Variants in ZNF101 observed in about 807,000 individuals in gnomAD.
ZNF101 encodes zinc finger protein 101 (Y2).
Under a neutral mutation model 42.6 loss-of-function variants are expected in ZNF101, and 34 were observed. The observed-to-expected ratio is 0.80, with a 90% CI of 0.61 to 1.06. ZNF101 has a LOEUF of 1.06. ZNF101 is among the 50% of genes least tolerant of loss of function. The probability of loss-of-function intolerance (pLI) is 0.00; values close to 1 mark genes in which losing one functional copy is unlikely to be tolerated. For synonymous variants in ZNF101, 158 were observed against 183.9 expected (o/e 0.86, Z 1.14); for missense variants, 466 against 530.9 (o/e 0.88, Z 1.20).
In ZNF101 at chr19:19,681,113, C is replaced by G. The variant is rs1157653632; in HGVS notation, c.*813C>G. 1 of 151,494 alleles carries G rather than the reference C, an allele frequency of 6.6e-6. No individual in the cohort carries two copies. Among genetic ancestry groups the G allele is most frequent in the Non-Finnish European group, 1.5e-5 (1 of 67,898 alleles). The allele number at this position is 151,494 out of a possible 1,614,324, so 9.4% of individuals were successfully genotyped here. A position where few individuals can be genotyped will look rare whatever the true frequency, so the allele number is the denominator to read the frequency against. ...CCTGGATGACGGTGACACTCTGTCTCAGAAAAAAAGGGAAAGAAATAATTC... is the reference window on the plus strand; with the variant it reads ...CCTGGATGACGGTGACACTCTGTCTGAGAAAAAAAGGGAAAGAAATAATTC... On this transcript the variant is annotated 3_prime_UTR_variant, in exon 4 of 4. Transcript: ENST00000592502.
intron 1 of ZNF101, chr19:19,677,651 TG>T: frequency 3.3e-6 from 2 of 601,174 alleles, no homozygotes; most frequent in Non-Finnish European, 5.2e-6. Flanking sequence ...ACAGAGAGGG[TG>T]GTCCTCCTCT....
rs1464523134 is a variant in ZNF101, at chr19:19,681,122, A to C, written c.*822A>C. The C allele has an allele frequency of 6.6e-6, 1 of 152,224 alleles. No homozygotes were observed. Among genetic ancestry groups the C allele is most frequent in the Non-Finnish European group, 1.5e-5 (1 of 68,058 alleles). The allele number at this position is 152,224 out of a possible 1,614,324, so 9.4% of individuals were successfully genotyped here. A position where few individuals can be genotyped will look rare whatever the true frequency, so the allele number is the denominator to read the frequency against. On this transcript the variant is annotated 3_prime_UTR_variant, in exon 4 of 4. Transcript: ENST00000592502. ...CGGTGACACTCTGTCTCAGAAAAAA[A>C]GGGAAAGAAATAATTCTCATTTATA... is the stretch of plus-strand genomic sequence containing the variant.
chr19:19,669,009 T>A lies in ZNF101; in HGVS notation c.3+43T>A, dbSNP rs958130824. ...GGCGTCCGGAGACCTGAGGAGGAGC[T>A]GGTCGGAACCGGCAGTGGCTGGACC... On this transcript the variant is annotated intron_variant, in intron 1 of 3. Coordinates refer to ENST00000592502, the MANE Select transcript of ZNF101 (RefSeq NM_033204.4). 5 of 1,567,210 alleles carry A rather than the reference T, an allele frequency of 3.2e-6. No homozygotes were observed. In the African/African-American group the frequency reaches 6.8e-5, roughly 21 times the overall value.
chr19:19,677,755 T>C, intron 1 of ZNF101, 109 bp from the exon 2 acceptor site: 2 of 1,470,254 alleles, frequency 1.4e-6, no homozygotes, highest in Admixed American at 2.1e-5. Context: ...GACTCAATCA[T>C]GGAGTGAGTG....
rs2062224719 is a variant in ZNF101, at chr19:19,679,559, TCA to T, written c.574_575del (p.Thr192TrpfsTer6). ...ATTTATTTCAAATCCATCAAAGAAC[TCA>T]CACTGGAAAGAGGTCCTATAAATGT... ...PNLFQIHQRT[H>X]TGKRSYKCRE... On this transcript the variant is annotated frameshift_variant, in exon 4 of 4. Coordinates refer to ENST00000592502, the MANE Select transcript of ZNF101 (RefSeq NM_033204.4). LOFTEE classifies it high-confidence loss of function. 6.2e-7 allele frequency: 1 copy of T among 1,614,102 alleles called. No homozygotes were observed. The highest frequency in any genetic ancestry group is 8.5e-7 in the Non-Finnish European group (1 of 1,180,026).
intron 2 of ZNF101, among the ~76,000 whole-genome samples, 158 bp from the exon 3 acceptor site, chr19:19,678,568 T>C (rs988489440): frequency 2.0e-5 from 3 of 151,726 alleles, no homozygotes; most frequent in African/African-American, 7.3e-5. Context: ...TGAGCAGAGA[T>C]TGCATCACTG....
intron 1 of ZNF101, among the ~76,000 whole-genome samples, chr19:19,669,313 C>T (rs1305513232): frequency 2.6e-5 from 4 of 152,136 alleles, no homozygotes; most frequent in Non-Finnish European, 4.4e-5. Context: ...GTTCCTCCTC[C>T]CTTAGGCGGT....
intron 1 of ZNF101, among the ~76,000 whole-genome samples, chr19:19,673,687 C>CTTTT (rs573395742): frequency 1.4e-3 from 118 of 82,864 alleles, no homozygotes; most frequent in East Asian, 2.1e-3. Flanking sequence ...GCGTTCAATT[C>CTTTT]TTTTTTTTTT....
At chr19:19,669,023 A>G (rs2062152252) in intron 1 of ZNF101, 57 bp downstream of exon 1, 3 of 1,553,386 alleles carry the variant, frequency 1.9e-6, no homozygotes, top group South Asian at 2.4e-5. Flanking sequence ...CGGAACCGGC[A>G]GTGGCTGGAC....
chr19:19,669,065 G>A lies in ZNF101; in HGVS notation c.3+99G>A, dbSNP rs537462113. 4.0e-5 allele frequency: 58 copies of A among 1,463,908 alleles called. No individual in the cohort carries two copies. In the East Asian group the frequency reaches 4.1e-4, roughly 10 times the overall value. The allele number at this position is 1,463,908 out of a possible 1,614,324, so 90.7% of individuals were successfully genotyped here. A position where few individuals can be genotyped will look rare whatever the true frequency, so the allele number is the denominator to read the frequency against. On this transcript the variant is annotated intron_variant, in intron 1 of 3. Transcript: ENST00000592502. ...CTCCCCGCGGCGACTGTGGGGGTCT[G>A]GGACCCGAGTCCCCCAGGCGCAGCT...
At position 19,679,734 on chromosome 19, in the gene ZNF101, G is replaced by A; in HGVS notation, c.745G>A (p.Gly249Arg). ...TCAAATTCATGTTAGAACTCACACT[G>A]GAGAAAAACCTTACAAATGTAAACA... ...LFQIHVRTHT[G>R]EKPYKCKQCG... Residue 249 changes from glycine (G) to arginine (R), a missense_variant, in exon 4 of 4, where the codon GGA (glycine) becomes AGA (arginine). Gly to Arg is a moderately radical substitution (Grantham distance 125). Transcript: ENST00000592502. 2 of 1,614,036 alleles carry A rather than the reference G, an allele frequency of 1.2e-6. No homozygotes were observed. The highest frequency in any genetic ancestry group is 2.2e-5 in the East Asian group (1 of 44,882).
chr19:19,683,489 G>C lies in ZNF101; in HGVS notation c.*3189G>C, dbSNP rs975850598. 11 of 152,032 alleles carry C rather than the reference G, an allele frequency of 7.2e-5. No homozygotes were observed. The highest frequency in any genetic ancestry group is 2.7e-4 in the African/African-American group (11 of 41,394). The allele number at this position is 152,032 out of a possible 1,614,324, so 9.4% of individuals were successfully genotyped here. A position where few individuals can be genotyped will look rare whatever the true frequency, so the allele number is the denominator to read the frequency against. On this transcript the variant is annotated 3_prime_UTR_variant, in exon 4 of 4. Coordinates refer to ENST00000592502, the MANE Select transcript of ZNF101 (RefSeq NM_033204.4). ...TGTTAGCTGCAGGTTTTTAATAAAT[G>C]CCTTAATTCAGTTTGAAGAAGTTCC...
At position 19,679,386 on chromosome 19, in the gene ZNF101, G is replaced by C; in HGVS notation, c.397G>C (p.Gly133Arg). ...AHAGHKRSECGGEWRETPRKQ... is the reference protein window; with the variant it reads ...AHAGHKRSECRGEWRETPRKQ... ...TGCTGGACACAAACGATCTGAGTGT[G>C]GTGGGGAATGGAGAGAGACGCCCCG... The change falls in exon 4 of 4, where the codon GGT becomes CGT. Residue 133 changes from glycine to arginine, a missense_variant. Transcript: ENST00000592502. 6.2e-7 allele frequency: 1 copy of C among 1,614,100 alleles called. No homozygotes were observed. Among genetic ancestry groups the C allele is most frequent in the East Asian group, 2.2e-5 (1 of 44,882 alleles).
Position 19,668,880 on chromosome 19 carries a change from C to T in ZNF101, c.-84C>T, listed in dbSNP as rs79418749. The T allele has an allele frequency of 0.01, 15,536 of 1,485,740 alleles. 121 individuals are homozygous for T. Among genetic ancestry groups the T allele is most frequent in the Non-Finnish European group, 0.012 (12,862 of 1,103,568 alleles). 92.0% of individuals were successfully genotyped at this position (1,485,740 alleles called of 1,614,324 possible). A position where few individuals can be genotyped will look rare whatever the true frequency, so the allele number is the denominator to read the frequency against. On this transcript the variant is annotated 5_prime_UTR_variant, in exon 1 of 4. Transcript: ENST00000592502. Reference sequence around the variant, plus strand: ...TAGTTCCTCGGGGAGCCCCTGGTGCCCCGGATACGGCTGATTTTGTCGTGT... The same window carrying T: ...TAGTTCCTCGGGGAGCCCCTGGTGCTCCGGATACGGCTGATTTTGTCGTGT...
chr19:19,681,259 C>T lies in ZNF101; in HGVS notation c.*959C>T, dbSNP rs1459678118. On this transcript the variant is annotated 3_prime_UTR_variant, in exon 4 of 4. Transcript: ENST00000592502. ...AGACCTCAGATATTCCAGTTCTATT[C>T]AGAGCCATAAAAGGACTCATACTGG... 6.6e-6 allele frequency: 1 copy of T among 152,166 alleles called. No homozygotes were observed. The highest frequency in any genetic ancestry group is 1.5e-5 in the Non-Finnish European group (1 of 68,042). 9.4% of individuals were successfully genotyped at this position (152,166 alleles called of 1,614,324 possible).
intron 2 of ZNF101, 133 bp downstream of exon 2, chr19:19,678,123 G>T: frequency 7.5e-7 from 1 of 1,325,556 alleles, no homozygotes; most frequent in Non-Finnish European, 1.0e-6. Flanking sequence ...CAGGTACAGT[G>T]GCTTACCCTT....
At chr19:19,672,548 C>G (rs577257949) in intron 1 of ZNF101, among the ~76,000 whole-genome samples, 2 of 149,950 alleles carry the variant, frequency 1.3e-5, no homozygotes, top group Admixed American at 1.3e-4. Context: ...TTTTTTTTGG[C>G]GGGGGGGGTC....
intron 1 of ZNF101, among the ~76,000 whole-genome samples, chr19:19,671,211 T>C (rs1346660939): frequency 6.6e-6 from 1 of 152,162 alleles, no homozygotes; most frequent in African/African-American, 2.4e-5. Context: ...GGGGAATTTG[T>C]GATGGTGGAT....
chr19:19,668,835 C>A (rs528227707), upstream of ZNF101: 153 of 1,241,896 alleles, frequency 1.2e-4, 2 homozygotes, highest in East Asian at 4.4e-3. Flanking sequence ...CCCGCCGGCC[C>A]CCCATTCGGG....
Sources: gnomAD v4.1 joint callset for allele counts (sites outside exome capture counted in the v4.1 genomes callset) on GRCh38, gnomAD v4.1.1 for gene constraint, MANE v1.5 for transcripts, NCBI Gene and HGNC (gene_info 2026-07-23, HGNC 2026-07-21) for gene names.